Variants in UBTD2 observed in about 807,000 individuals in gnomAD.
The protein encoded by UBTD2 is ubiquitin domain containing 2, also known as ubiquitin domain-containing protein 2.
UBTD2 carries 9 observed loss-of-function variants against 19.8 expected under a neutral mutation model. The ratio of observed to expected loss-of-function variants is 0.46; its 90% confidence interval spans 0.27 to 0.79. The LOEUF (loss-of-function observed/expected upper bound fraction) is 0.79, where lower values mean the gene tolerates loss of function less well. Among genes scored for constraint, UBTD2 ranks in the 30% least tolerant of loss-of-function variants. The probability of loss-of-function intolerance (pLI) is 0.14; values close to 1 mark genes in which losing one functional copy is unlikely to be tolerated. For synonymous variants in UBTD2, 98 were observed against 103.9 expected (o/e 0.94, Z 0.35); for missense variants, 250 against 300.4 (o/e 0.83, Z 1.24).
At chr5:172,276,176 T>C (rs1320635383) in intron 1 of UBTD2, among the ~76,000 whole-genome samples, 1 of 152,224 alleles carries the variant, frequency 6.6e-6, no homozygotes, top group Non-Finnish European at 1.5e-5. Flanking sequence ...AGCAGCAAAA[T>C]ACTAGACTGT....
intron 1 of UBTD2, among the ~76,000 whole-genome samples, chr5:172,259,006 G>T (rs1268079190): frequency 1.3e-5 from 2 of 152,092 alleles, no homozygotes; most frequent in African/African-American, 4.8e-5. Flanking sequence ...CTAAGAGTGG[G>T]CATCCTTGTT....
chr5:172,230,896 A>G (rs549651885), intron 2 of UBTD2, among the ~76,000 whole-genome samples: 27 of 150,346 alleles, frequency 1.8e-4, no homozygotes, highest in African/African-American at 5.9e-4. Context: ...CCATTCTCCT[A>G]CCTCAGCCTC....
intron 1 of UBTD2, among the ~76,000 whole-genome samples, chr5:172,278,636 T>C (rs1755653140): frequency 6.6e-6 from 1 of 151,970 alleles, no homozygotes; most frequent in Non-Finnish European, 1.5e-5. Context: ...GGTAAGTAAA[T>C]AAACCACAAA....
intron 2 of UBTD2, among the ~76,000 whole-genome samples, chr5:172,225,347 G>T (rs1771744387): frequency 6.6e-6 from 1 of 152,132 alleles, no homozygotes; most frequent in Non-Finnish European, 1.5e-5. Context: ...TTTCTTCTAT[G>T]ATTATTTTAA....
chr5:172,255,010 C>T, intron 1 of UBTD2: 1 of 555,394 alleles, frequency 1.8e-6, no homozygotes, highest in Non-Finnish European at 3.6e-6. Flanking sequence ...GGATGACCAG[C>T]AAGATCCCCA....
rs56277139 is a variant in UBTD2, at chr5:172,277,067, CAAAAAAAAAAAAAAA to C, written c.70+6514_70+6528del. Among the ~76,000 whole-genome samples, 20 of 65,122 alleles carry C rather than the reference CAAAAAAAAAAAAAAA, an allele frequency of 3.1e-4. No individual in the cohort carries two copies. The East Asian group carries it at 5.2e-3, about 17-fold the overall frequency. The allele number at this position is 65,122 out of a possible 152,430, so 42.7% of individuals were successfully genotyped here. ...CTGGGTGACAAAGCAGACTCTGTCT[CAAAAAAAAAAAAAAA>C]AAAAAAAAAAAAAAAGAAGGGAACA... On this transcript the variant is annotated intron_variant, in intron 1 of 2. Coordinates refer to ENST00000393792, the MANE Select transcript of UBTD2 (RefSeq NM_152277.3).
At chr5:172,282,860 G>C (rs1332940666) in intron 1 of UBTD2, among the ~76,000 whole-genome samples, 2 of 152,192 alleles carry the variant, frequency 1.3e-5, no homozygotes, top group Non-Finnish European at 2.9e-5. Context: ...ACTGGGTGGG[G>C]TAAGTCAGGG....
At chr5:172,279,461 A>C (rs1251424793) in intron 1 of UBTD2, among the ~76,000 whole-genome samples, 1 of 152,172 alleles carries the variant, frequency 6.6e-6, no homozygotes, top group Non-Finnish European at 1.5e-5. Flanking sequence ...GAACTCCATG[A>C]TGTTCTCAAG....
intron 1 of UBTD2, among the ~76,000 whole-genome samples, chr5:172,241,198 G>C (rs75150265): frequency 0.055 from 8,363 of 152,032 alleles, 733 homozygotes; most frequent in African/African-American, 0.19. Context: ...TGGATCACCC[G>C]AGGTCAGGAG....
intron 1 of UBTD2, among the ~76,000 whole-genome samples, chr5:172,234,664 T>C (rs1771972329): frequency 6.6e-6 from 1 of 152,126 alleles, no homozygotes; most frequent in Non-Finnish European, 1.5e-5. Context: ...CCCAGCACTT[T>C]GGGAGGCTGA....
intron 2 of UBTD2, among the ~76,000 whole-genome samples, chr5:172,227,122 C>CCCTGTGT: frequency 6.6e-6 from 1 of 152,132 alleles, no homozygotes; most frequent in South Asian, 2.1e-4. Flanking sequence ...GTATAACATA[C>CCCTGTGT]TCCCTGGGAC....
At chr5:172,279,438 T>C (rs1755669197) in intron 1 of UBTD2, among the ~76,000 whole-genome samples, 1 of 152,198 alleles carries the variant, frequency 6.6e-6, no homozygotes, top group Non-Finnish European at 1.5e-5. Flanking sequence ...CTGCTATAAA[T>C]GGGTATCTGA....
chr5:172,242,182 C>A (rs1772144588), intron 1 of UBTD2, among the ~76,000 whole-genome samples: 1 of 149,230 alleles, frequency 6.7e-6, no homozygotes. Context: ...GCCATGCTTC[C>A]TGTACAGCCT....
At chr5:172,225,217 A>G (rs1400604639) in intron 2 of UBTD2, among the ~76,000 whole-genome samples, 2 of 152,208 alleles carry the variant, frequency 1.3e-5, no homozygotes, top group African/African-American at 4.8e-5. Flanking sequence ...CATGGTAGGA[A>G]GAAAGCTGCC....
chr5:172,218,463 T>C (rs1656206022), intron 2 of UBTD2, among the ~76,000 whole-genome samples: 3 of 151,674 alleles, frequency 2.0e-5, no homozygotes, highest in African/African-American at 7.3e-5. Context: ...TAGAAATCAA[T>C]GAAATGGAAA....
intron 1 of UBTD2, among the ~76,000 whole-genome samples, chr5:172,273,539 C>A (rs1013315890): frequency 7.4e-6 from 1 of 134,996 alleles, no homozygotes; most frequent in African/African-American, 2.9e-5. Flanking sequence ...TGCAGTGAGC[C>A]GAGATTGTAC....
chr5:172,212,825 C>T (rs72845198), intron 2 of UBTD2, among the ~76,000 whole-genome samples: 5,044 of 149,330 alleles, frequency 0.034, 97 homozygotes, highest in African/African-American at 0.055. Context: ...GTACCATACC[C>T]GGCTAATTTT....
At position 172,272,955 on chromosome 5, in the gene UBTD2, T is replaced by C. The variant is rs1443625493; in HGVS notation, c.70+10641A>G. ...TTAGCTGGGCGTAGTCGCACACCTG[T>C]AGTCCCAGCTACTCGGGAGGCTGAG... is the stretch of plus-strand genomic sequence containing the variant. On this transcript the variant is annotated intron_variant, in intron 1 of 2. Transcript: ENST00000393792. 2.0e-5 allele frequency among the ~76,000 whole-genome samples: 3 copies of C among 152,148 alleles called. No individual in the cohort carries two copies. The East Asian group carries it at 5.8e-4, about 29-fold the overall frequency.
Position 172,278,307 on chromosome 5 carries a change from C to T in UBTD2, c.70+5289G>A, listed in dbSNP as rs1223714822. ...AAAAAAAAAGTGGTATATACATGGGCAGGAGTTGGAGACCAGCCTGGCCAA... is the reference window on the plus strand; with the variant it reads ...AAAAAAAAAGTGGTATATACATGGGTAGGAGTTGGAGACCAGCCTGGCCAA... On this transcript the variant is annotated intron_variant, in intron 1 of 2. Transcript: ENST00000393792. Among the ~76,000 whole-genome samples the T allele has an allele frequency of 3.3e-5, 5 of 151,990 alleles. No homozygotes were observed. In the East Asian group the frequency reaches 7.7e-4, roughly 23 times the overall value.
Sources: gnomAD v4.1 joint callset for allele counts (sites outside exome capture counted in the v4.1 genomes callset) on GRCh38, gnomAD v4.1.1 for gene constraint, MANE v1.5 for transcripts, NCBI Gene and HGNC (gene_info 2026-07-23, HGNC 2026-07-21) for gene names.